Variants in MSH5 observed in about 807,000 individuals in gnomAD.
MSH5 encodes mutS protein homolog 5.
In MSH5, 78 loss-of-function variants were observed where a neutral mutation model predicts 107.7. The ratio of observed to expected loss-of-function variants is 0.72; its 90% CI spans 0.60 to 0.87. The LOEUF (loss-of-function observed/expected upper bound fraction) is 0.87. Ranked by LOEUF, MSH5 falls within the 40% of genes least tolerant of loss-of-function variation. MSH5 has a pLI of 0.00. For missense variants in MSH5, 889 were observed against 1,046.6 expected, an observed-to-expected ratio of 0.85 and a Z score of 2.08; for synonymous variants, 326 against 399.5, an observed-to-expected ratio of 0.82 and a Z score of 2.19.
chr6:31,752,946 G>T (rs188478004), intron 10 of MSH5, among the ~76,000 whole-genome samples: 1 of 152,126 alleles, frequency 6.6e-6, no homozygotes, highest in South Asian at 2.1e-4. Flanking sequence ...CTGACTCACC[G>T]TCTCTTACTC....
chr6:31,747,558 A>G, intron 10 of MSH5, 126 bp downstream of exon 10: 1 of 882,816 alleles, frequency 1.1e-6, no homozygotes, highest in Non-Finnish European at 1.8e-6. Flanking sequence ...TAGTAAAGCA[A>G]CTGCCCTTTA....
intron 24 of MSH5, 107 bp downstream of exon 24, chr6:31,762,292 C>T (rs892881403): frequency 2.8e-5 from 39 of 1,406,800 alleles, no homozygotes; most frequent in Non-Finnish European, 3.7e-5. Flanking sequence ...CTTCAGAAAC[C>T]CACCATTTCT....
At chr6:31,748,210 C>A (rs1011549732) in intron 10 of MSH5, among the ~76,000 whole-genome samples, 47 of 152,174 alleles carry the variant, frequency 3.1e-4, no homozygotes, top group African/African-American at 1.1e-3. Context: ...CCCACCAGAT[C>A]TGTTCCTCTT....
In MSH5 at chr6:31,759,851, C is replaced by T. The variant is rs766003915; in HGVS notation, c.1561C>T (p.Arg521Ter). 2.5e-6 allele frequency: 4 copies of T among 1,614,112 alleles called. No homozygotes were observed. The highest frequency in any genetic ancestry group is 1.1e-5 in the South Asian group (1 of 91,090). ...GCTGGCACGAGCAGCTGTCTTAACCCGAGTATTGGACCTTGCCTCCCGCCT... is the reference window on the plus strand; with the variant it reads ...GCTGGCACGAGCAGCTGTCTTAACCTGAGTATTGGACCTTGCCTCCCGCCT... Reference protein sequence around the residue: ...QVLARAAVLTRVLDLASRLDV... With the variant: ...QVLARAAVLT Residue 521 changes from arginine to a stop codon, truncating the protein, a stop_gained, in exon 18 of 25, where the codon CGA becomes TGA. Transcript: ENST00000375750. LOFTEE classifies it high-confidence loss of function. This position sits in a 1 kb window ranked among gnomAD's most constrained non-coding sequence, Gnocchi z 4.7.
rs28381357 is a variant in MSH5 at position 31,744,218 on chromosome 6, TC to T, written c.568del (p.Leu190TrpfsTer27). On this transcript the variant is annotated frameshift_variant, in exon 7 of 25. Transcript: ENST00000375750. LOFTEE classifies it high-confidence loss of function. ...CGAGCACTTGGAGGGCTGCTGAAGT[TC>T]CTGGGTCGAAGAAGAATCGGGGTTG... is the stretch of plus-strand genomic sequence containing the variant. Reference protein sequence around the residue: ...TVRALGGLLKFLGRRRIGVEL... With the variant: ...TVRALGGLLKXLGRRRIGVEL... 1 of 1,613,828 alleles carries T rather than the reference TC, an allele frequency of 6.2e-7. No individual in the cohort carries two copies. The highest frequency in any genetic ancestry group is 2.2e-5 in the East Asian group (1 of 44,894).
In MSH5 at chr6:31,740,645, A is replaced by G; in HGVS notation, c.147+32A>G. On this transcript the variant is annotated intron_variant, in intron 2 of 24. Coordinates refer to ENST00000375750, the MANE Select transcript of MSH5 (RefSeq NM_172166.4). This position sits in a 1 kb window ranked among gnomAD's most constrained non-coding sequence, Gnocchi z 4.4. The stretch of plus-strand genomic sequence containing the variant: ...GAGGGGAGTAGAAACTTGAATGGAG[A>G]GTTGATGGGAAGTTAGAATAAAAGA... The G allele has an allele frequency of 2.1e-6, 3 of 1,458,672 alleles. No homozygotes were observed. The highest frequency in any genetic ancestry group is 2.7e-6 in the Non-Finnish European group (3 of 1,104,654). The allele number at this position is 1,458,672 out of a possible 1,614,324, so 90.4% of individuals were successfully genotyped here.
rs765549669 is a variant in MSH5, at chr6:31,760,792, G to A, written c.1915G>A (p.Glu639Lys). The change falls in exon 20 of 25, where the codon GAA becomes AAA. Residue 639 changes from glutamate to lysine, a missense_variant. Transcript: ENST00000375750. This position sits in a 1 kb window ranked among gnomAD's most constrained non-coding sequence, Gnocchi z 5.6. ...DAIFTRIHSCESISLGLSTFM... is the reference protein window; with the variant it reads ...DAIFTRIHSCKSISLGLSTFM... The stretch of plus-strand genomic sequence containing the variant: ...CATCTTCACACGAATTCATAGCTGC[G>A]AATCCATCTCCCTTGGCCTCTCCAC... The A allele has an allele frequency of 1.3e-4, 208 of 1,612,818 alleles. 3 individuals carry two copies. The Admixed American group carries it at 3.2e-3, about 25-fold the overall frequency.
intron 10 of MSH5, among the ~76,000 whole-genome samples, chr6:31,752,502 A>G (rs1255518540): frequency 6.6e-6 from 1 of 152,182 alleles, no homozygotes; most frequent in African/African-American, 2.4e-5. Context: ...CGGGCAGATC[A>G]CGAGGTCAAG....
At position 31,743,925 on chromosome 6, in the gene MSH5, G is replaced by A. The variant is rs778472555; in HGVS notation, c.437G>A (p.Arg146His). 5.1e-5 allele frequency: 83 copies of A among 1,613,182 alleles called. No individual in the cohort carries two copies. The highest frequency in any genetic ancestry group is 6.8e-5 in the Non-Finnish European group (80 of 1,179,994). The change falls in exon 6 of 25, where the codon CGC becomes CAC. Residue 146 changes from arginine (R) to histidine (H), a missense_variant. By Grantham distance (29) the Arg-to-His change is conservative (BLOSUM62 0). Around this residue, in one of 3 missense-constraint regions of MSH5, gnomAD observed 518 missense variants for 565.0 expected, o/e 0.92. Transcript: ENST00000375750. Reference sequence around the variant, plus strand: ...ATAGGTCTGGAGATAAGCAAACAACGCCTCCTTTCTGGAAACTACTCCTTC... The same window carrying A: ...ATAGGTCTGGAGATAAGCAAACAACACCTCCTTTCTGGAAACTACTCCTTC... ...VDFGLEISKQRLLSGNYSFIP... is the reference protein window; with the variant it reads ...VDFGLEISKQHLLSGNYSFIP...
Position 31,759,256 on chromosome 6 carries a change from C to T in MSH5, c.1407+79C>T. ...GAGGAAGAGCGTTACTCTACAGCAG[C>T]ACTGCCCAATATGGGATCTCTCCTC... On this transcript the variant is annotated intron_variant, in intron 16 of 24. Transcript: ENST00000375750. The surrounding 1 kb of genome is among the most constrained non-coding windows in gnomAD (Gnocchi z 4.7). 1 of 1,401,572 alleles carries T rather than the reference C, an allele frequency of 7.1e-7. No homozygotes were observed. The highest frequency in any genetic ancestry group is 1.0e-6 in the Non-Finnish European group (1 of 988,708). The allele number at this position is 1,401,572 out of a possible 1,614,324, so 86.8% of individuals were successfully genotyped here. A position where few individuals can be genotyped will look rare whatever the true frequency, so the allele number is the denominator to read the frequency against.
intron 10 of MSH5, among the ~76,000 whole-genome samples, chr6:31,750,004 C>A (rs183850830): frequency 1.6e-4 from 24 of 152,240 alleles, no homozygotes; most frequent in Admixed American, 4.6e-4. Context: ...AATTTAATTA[C>A]CCACACATTC....
rs1810621115 is a variant in MSH5 at position 31,758,195 on chromosome 6, G to GCCTGCCGCTC, written c.1054_1063dup (p.Gln355LeufsTer18). On this transcript the variant is annotated frameshift_variant, in exon 13 of 25. Coordinates refer to ENST00000375750, the MANE Select transcript of MSH5 (RefSeq NM_172166.4). LOFTEE classifies it high-confidence loss of function. The surrounding 1 kb of genome is among the most constrained non-coding windows in gnomAD (Gnocchi z 5.1). ...GTACAGTGCCCTGGGCCTGAGGGAT[G>GCCTGCCGCTC]CCTGCCGCTCCCTGCCGCAGTCCAT... The GCCTGCCGCTC allele has an allele frequency of 6.2e-7, 1 of 1,612,952 alleles. No individual in the cohort carries two copies. The highest frequency in any genetic ancestry group is 1.3e-5 in the African/African-American group (1 of 74,924).
intron 12 of MSH5, among the ~76,000 whole-genome samples, chr6:31,754,744 TTC>T (rs1169566944): frequency 1.3e-5 from 2 of 149,746 alleles, no homozygotes; most frequent in African/African-American, 5.0e-5. Context: ...TCAGTGTAAT[TTC>T]TTTTTTCTTT....
In MSH5 at chr6:31,758,106, A is replaced by G. The variant is rs764862027; in HGVS notation, c.1015-59A>G. The G allele has an allele frequency of 3.1e-6, 5 of 1,607,130 alleles. No individual in the cohort carries two copies. Among genetic ancestry groups the G allele is most frequent in the South Asian group, 2.2e-5 (2 of 90,886 alleles). On this transcript the variant is annotated intron_variant, in intron 12 of 24. Coordinates refer to ENST00000375750, the MANE Select transcript of MSH5 (RefSeq NM_172166.4). This position sits in a 1 kb window ranked among gnomAD's most constrained non-coding sequence, Gnocchi z 5.1. Reference sequence around the variant, plus strand: ...TCTTTGTTCTTCTGAGTCTGTCCCTATCACCACCTCAACCCGAGCTGGATG... The same window carrying G: ...TCTTTGTTCTTCTGAGTCTGTCCCTGTCACCACCTCAACCCGAGCTGGATG...
chr6:31,745,722 G>T (rs527320939), intron 9 of MSH5, among the ~76,000 whole-genome samples: 1 of 150,902 alleles, frequency 6.6e-6, no homozygotes, highest in African/African-American at 2.4e-5. Flanking sequence ...GGACATCTCC[G>T]CAAATATCCA....
chr6:31,762,428 CATT>C lies in MSH5; in HGVS notation c.2404_2406del (p.Leu802del). On this transcript the variant is annotated inframe_deletion, in exon 25 of 25. Coordinates refer to ENST00000375750, the MANE Select transcript of MSH5 (RefSeq NM_172166.4). ...TTTTCTCTCTTCTTCAGTTGCCAGA[CATT>C]AGTGGATAAGTTTATGAAACTGGAT... 7 of 1,611,926 alleles carry C rather than the reference CATT, an allele frequency of 4.3e-6. No individual in the cohort carries two copies. Among genetic ancestry groups the C allele is most frequent in the Non-Finnish European group, 5.9e-6 (7 of 1,178,146 alleles).
chr6:31,760,469 G>A lies in MSH5; in HGVS notation c.1813-221G>A, dbSNP rs1581563293. Among the ~76,000 whole-genome samples, 1 of 152,208 alleles carries A rather than the reference G, an allele frequency of 6.6e-6. No homozygotes were observed. Among genetic ancestry groups the A allele is most frequent in the African/African-American group, 2.4e-5 (1 of 41,444 alleles). The stretch of plus-strand genomic sequence containing the variant: ...CTGAGTAGGTACACACCACTCCCAA[G>A]TATGTCTCTGCCCACGTCCCGTGCC... On this transcript the variant is annotated intron_variant, in intron 19 of 24. Coordinates refer to ENST00000375750, the MANE Select transcript of MSH5 (RefSeq NM_172166.4). This position sits in a 1 kb window ranked among gnomAD's most constrained non-coding sequence, Gnocchi z 5.6.
chr6:31,744,508 C>G, intron 7 of MSH5, 38 bp from the exon 8 acceptor site: 1 of 1,612,976 alleles, frequency 6.2e-7, no homozygotes. Flanking sequence ...GTGGAACGAA[C>G]TCAGACTGCT....
chr6:31,753,300 G>A lies in MSH5; in HGVS notation c.813-1G>A. ...ACCCCCACCCAAACCCTCACTTCCAGGCTATGGTTCACACGTCCGACTCAT... is the reference window on the plus strand; with the variant it reads ...ACCCCCACCCAAACCCTCACTTCCAAGCTATGGTTCACACGTCCGACTCAT... On this transcript the variant is annotated splice_acceptor_variant, in intron 10 of 24. Coordinates refer to ENST00000375750, the MANE Select transcript of MSH5 (RefSeq NM_172166.4). LOFTEE classifies it high-confidence loss of function. The A allele has an allele frequency of 1.2e-6, 2 of 1,602,728 alleles. No individual in the cohort carries two copies. Among genetic ancestry groups the A allele is most frequent in the Non-Finnish European group, 1.7e-6 (2 of 1,170,858 alleles).
Sources: allele counts gnomAD v4.1 joint callset (sites outside exome capture counted in the v4.1 genomes callset), GRCh38; gene constraint gnomAD v4.1.1; regional missense constraint gnomAD v4.1.1; non-coding constraint Gnocchi (gnomAD v3.1); transcripts MANE v1.5; gene names NCBI Gene and HGNC (gene_info 2026-07-23, HGNC 2026-07-21).